CDH13: variants seen among roughly 807,000 people sequenced by gnomAD.
CDH13 encodes the protein cadherin 13, also known as cadherin-13.
In CDH13, 24 loss-of-function variants were observed where a neutral mutation model predicts 63.8. That is an observed-to-expected ratio of 0.38 (90% CI 0.27 to 0.53). CDH13 has a LOEUF of 0.53. CDH13 is among the 20% of genes least tolerant of loss of function. The probability of loss-of-function intolerance (pLI) is 0.85; values close to 1 mark genes in which losing one functional copy is unlikely to be tolerated. For missense variants in CDH13, 1,049 were observed against 903.1 expected (o/e 1.16, Z -2.07); for synonymous variants, 503 against 355.3 (o/e 1.42, Z -4.67).
chr16:83,110,778 A>T (rs368285248), intron 3 of CDH13, among the ~76,000 whole-genome samples: 10 of 151,974 alleles, frequency 6.6e-5, no homozygotes, highest in Admixed American at 5.2e-4. Context: ...AACAAAAAAA[A>T]CCAAGGTGTG....
In CDH13 at chr16:83,203,061, C is replaced by T. The variant is rs146231055; in HGVS notation, c.484-14284C>T. On this transcript the variant is annotated intron_variant, in intron 4 of 13. Coordinates refer to ENST00000567109, the MANE Select transcript of CDH13 (RefSeq NM_001257.5). ...ACCACCATGGAGAAACCCATCTCTA[C>T]TGAAAATACAAAATTAGCCAGGCAT... 3.8e-3 allele frequency among the ~76,000 whole-genome samples: 575 copies of T among 152,060 alleles called. 2 individuals carry two copies. Among genetic ancestry groups the T allele is most frequent in the African/African-American group, 0.013 (543 of 41,458 alleles).
chr16:83,237,663 G>C (rs1426064245), intron 5 of CDH13, among the ~76,000 whole-genome samples: 1 of 152,160 alleles, frequency 6.6e-6, no homozygotes, highest in African/African-American at 2.4e-5. Flanking sequence ...CATCACGTGG[G>C]CCTATGTTTT....
At chr16:83,694,190 G>T (rs548920929) in intron 10 of CDH13, among the ~76,000 whole-genome samples, 1 of 152,326 alleles carries the variant, frequency 6.6e-6, no homozygotes, top group African/African-American at 2.4e-5. Context: ...GGAGGGATTA[G>T]GGACCACCAC....
At chr16:82,705,893 TCA>T (rs2031446913) in intron 1 of CDH13, among the ~76,000 whole-genome samples, 1 of 152,178 alleles carries the variant, frequency 6.6e-6, no homozygotes, top group South Asian at 2.1e-4. Context: ...ACAGGTTTAG[TCA>T]TCTGGCATAT....
Position 83,610,319 on chromosome 16 carries a change from C to T in CDH13, c.1101+7725C>T, listed in dbSNP as rs553158201. ...TGTTTTATTGAAACATTTCAAAATG[C>T]GTTTCTAAATTGCAGTTAATATGAC... On this transcript the variant is annotated intron_variant, in intron 8 of 13. Transcript: ENST00000567109. 3.3e-4 allele frequency among the ~76,000 whole-genome samples: 50 copies of T among 152,150 alleles called. 1 individual carries two copies. The East Asian group carries it at 7.2e-3, about 22-fold the overall frequency.
intron 6 of CDH13, among the ~76,000 whole-genome samples, chr16:83,363,351 C>T (rs989784171): frequency 3.9e-5 from 6 of 152,110 alleles, no homozygotes; most frequent in Non-Finnish European, 7.4e-5. Flanking sequence ...TATGTGTAAG[C>T]ACATATGTGA....
chr16:83,779,406 C>CAAAAAAAAAAA (rs144757645), intron 11 of CDH13, among the ~76,000 whole-genome samples: 5 of 82,576 alleles, frequency 6.1e-5, no homozygotes, highest in African/African-American at 1.1e-4. Context: ...GACTCCATCT[C>CAAAAAAAAAAA]AAAAAAAAAA....
intron 3 of CDH13, among the ~76,000 whole-genome samples, chr16:83,072,384 T>A (rs1022016428): frequency 1.3e-5 from 2 of 152,216 alleles, no homozygotes; most frequent in African/African-American, 4.8e-5. Flanking sequence ...GGCATGTACA[T>A]TACAATATGA....
chr16:82,947,004 CTG>C (rs3223223), intron 2 of CDH13, among the ~76,000 whole-genome samples: 16,395 of 134,764 alleles, frequency 0.12, 884 homozygotes, highest in African/African-American at 0.16. Flanking sequence ...GTGCGCACGC[CTG>C]TGTGTGTGTG....
At chr16:83,546,693 G>GT (rs2075392317) in intron 7 of CDH13, among the ~76,000 whole-genome samples, 1 of 152,140 alleles carries the variant, frequency 6.6e-6, no homozygotes, top group South Asian at 2.1e-4. Flanking sequence ...AGAGAGGGTT[G>GT]TGTTTAGCTT....
At chr16:83,712,110 G>A (rs1283139487) in intron 10 of CDH13, among the ~76,000 whole-genome samples, 2 of 152,162 alleles carry the variant, frequency 1.3e-5, no homozygotes, top group Non-Finnish European at 2.9e-5. Flanking sequence ...GCCCACTATA[G>A]TGATCTCCTT....
intron 2 of CDH13, among the ~76,000 whole-genome samples, chr16:82,936,147 G>T (rs919186601): frequency 1.3e-5 from 2 of 152,130 alleles, no homozygotes; most frequent in African/African-American, 4.8e-5. Flanking sequence ...CTGCCATCTT[G>T]AACATGTCTA....
chr16:83,628,130 C>T (rs1910481506), intron 8 of CDH13, among the ~76,000 whole-genome samples: 1 of 152,290 alleles, frequency 6.6e-6, no homozygotes, highest in African/African-American at 2.4e-5. Flanking sequence ...GACCTGTATC[C>T]TGTGCCAACC....
chr16:82,713,395 G>C (rs2032106736), intron 1 of CDH13, among the ~76,000 whole-genome samples: 1 of 152,114 alleles, frequency 6.6e-6, no homozygotes, highest in Non-Finnish European at 1.5e-5. Context: ...GTCATGATGA[G>C]ATCAAGAGAG....
chr16:83,457,088 A>T (rs1348483220), intron 6 of CDH13, among the ~76,000 whole-genome samples: 1 of 152,146 alleles, frequency 6.6e-6, no homozygotes, highest in Non-Finnish European at 1.5e-5. Flanking sequence ...CTCAGAGGCG[A>T]TGGAGGATGG....
intron 5 of CDH13, among the ~76,000 whole-genome samples, chr16:83,332,996 A>T (rs1316439269): frequency 6.6e-6 from 1 of 152,216 alleles, no homozygotes; most frequent in Non-Finnish European, 1.5e-5. Flanking sequence ...AGAACATTTG[A>T]TAATAGTATC....
At chr16:82,660,617 G>A (rs80124906) in intron 1 of CDH13, among the ~76,000 whole-genome samples, 1,628 of 152,282 alleles carry the variant, frequency 0.011, 44 homozygotes, top group East Asian at 0.1. Context: ...GAAGCTTCCA[G>A]AAGGTTGAGT....
At chr16:83,144,078 G>C (rs2036646241) in intron 4 of CDH13, among the ~76,000 whole-genome samples, 1 of 152,096 alleles carries the variant, frequency 6.6e-6, no homozygotes, top group Non-Finnish European at 1.5e-5. Flanking sequence ...TTCCACGTTT[G>C]GGGAAGGATA....
At chr16:83,030,795 A>C (rs547173426) in intron 2 of CDH13, among the ~76,000 whole-genome samples, 1 of 152,026 alleles carries the variant, frequency 6.6e-6, no homozygotes, top group East Asian at 2.0e-4. Flanking sequence ...ACCATAACTT[A>C]CTGGCTTTTC....
Sources: allele counts gnomAD v4.1 joint callset (sites outside exome capture counted in the v4.1 genomes callset), GRCh38; gene constraint gnomAD v4.1.1; transcripts MANE v1.5; gene names NCBI Gene and HGNC (gene_info 2026-07-23, HGNC 2026-07-21).